The following COTL1 variants were observed in gnomAD, a reference collection of about 807,000 sequenced individuals.
COTL1 encodes coactosin-like protein.
COTL1 carries 15 observed loss-of-function variants against 16.5 expected under a neutral mutation model. The observed-to-expected ratio is 0.91, with a 90% confidence interval of 0.61 to 1.40. The LOEUF is 1.40. Ranked by LOEUF, COTL1 falls within the 40% of genes most tolerant of loss-of-function variation. COTL1 has a pLI of 0.00. For missense variants in COTL1, 220 were observed against 201.5 expected (o/e 1.09, Z -0.56); for synonymous variants, 112 against 85.3 (o/e 1.31, Z -1.73).
At chr16:84,579,626 G>A (rs1904533903) in intron 3 of COTL1, among the ~76,000 whole-genome samples, 1 of 152,224 alleles carries the variant, frequency 6.6e-6, no homozygotes, top group Non-Finnish European at 1.5e-5. Flanking sequence ...GGGGGGTAGT[G>A]GCTGATCACT....
chr16:84,616,829 A>AC (rs1300878999), intron 2 of COTL1, among the ~76,000 whole-genome samples: 36 of 151,848 alleles, frequency 2.4e-4, no homozygotes, highest in East Asian at 5.8e-4. Flanking sequence ...CACCTGCATA[A>AC]CCCCCTCCCA....
chr16:84,586,832 C>T (rs1299355197), intron 3 of COTL1, among the ~76,000 whole-genome samples: 3 of 151,970 alleles, frequency 2.0e-5, no homozygotes, highest in African/African-American at 7.3e-5. Flanking sequence ...CTCAGGTGAC[C>T]GGCTGCCTTG....
At chr16:84,609,727 T>C (rs35273519) in intron 2 of COTL1, among the ~76,000 whole-genome samples, 45,353 of 152,092 alleles carry the variant, frequency 0.3, 7,006 homozygotes, top group East Asian at 0.44. Flanking sequence ...CCATACTGTT[T>C]TGGTGATAGT....
intron 2 of COTL1, among the ~76,000 whole-genome samples, chr16:84,599,246 G>A (rs1905066439): frequency 1.3e-5 from 2 of 152,198 alleles, no homozygotes; most frequent in African/African-American, 4.8e-5. Flanking sequence ...AGTCTCCTCT[G>A]CGTATCGCCA....
intron 3 of COTL1, among the ~76,000 whole-genome samples, chr16:84,569,379 A>T (rs1904312688): frequency 6.6e-6 from 1 of 152,200 alleles, no homozygotes; most frequent in African/African-American, 2.4e-5. Context: ...CACCACAATT[A>T]AAAAATAAAA....
At chr16:84,578,984 T>C (rs779881274) in intron 3 of COTL1, among the ~76,000 whole-genome samples, 1 of 151,424 alleles carries the variant, frequency 6.6e-6, no homozygotes, top group Non-Finnish European at 1.5e-5. Flanking sequence ...CATCCAAGCA[T>C]GCGTACACAC....
rs998825681 is a variant in COTL1 at position 84,581,628 on chromosome 16, G to A, written c.318+8477C>T. ...AAGCGATTCTCCTGCCGCAGCCTCC[G>A]GAGTAGCTGGGATTACAGGCGTGTG... On this transcript the variant is annotated intron_variant, in intron 3 of 3. Transcript: ENST00000262428. Among the ~76,000 whole-genome samples, 7 of 151,594 alleles carry A rather than the reference G, an allele frequency of 4.6e-5. No individual in the cohort carries two copies. The South Asian group carries it at 6.3e-4, about 14-fold the overall frequency.
chr16:84,594,200 C>G (rs1369331716), intron 2 of COTL1, among the ~76,000 whole-genome samples: 1 of 149,354 alleles, frequency 6.7e-6, no homozygotes, highest in Admixed American at 6.7e-5. Flanking sequence ...GGGATCCTTC[C>G]AAAATGGGGT....
intron 2 of COTL1, among the ~76,000 whole-genome samples, chr16:84,606,466 G>T (rs926364570): frequency 6.6e-6 from 1 of 152,272 alleles, no homozygotes; most frequent in Non-Finnish European, 1.5e-5. Context: ...AAGCTGACCT[G>T]GTTGCCCCAC....
chr16:84,601,719 G>C (rs532633666), intron 2 of COTL1, among the ~76,000 whole-genome samples: 12 of 152,346 alleles, frequency 7.9e-5, no homozygotes, highest in African/African-American at 2.9e-4. Context: ...CTCCCAAAGT[G>C]CTGGGACTAC....
Position 84,566,970 on chromosome 16 carries a change from G to A in COTL1, c.319-15C>T. The A allele has an allele frequency of 6.3e-7, 1 of 1,579,666 alleles. No individual in the cohort carries two copies. The highest frequency in any genetic ancestry group is 8.7e-7 in the Non-Finnish European group (1 of 1,148,854). ...TTAGCGAAATTCTGCAAGAACAAAG[G>A]AAAACACAGCGTTCCTATTAAGAAG... On this transcript the variant is annotated splice_polypyrimidine_tract_variant and intron_variant, in intron 3 of 3. Coordinates refer to ENST00000262428, the MANE Select transcript of COTL1 (RefSeq NM_021149.5).
At chr16:84,572,068 C>T (rs907337179) in intron 3 of COTL1, among the ~76,000 whole-genome samples, 2 of 152,244 alleles carry the variant, frequency 1.3e-5, no homozygotes, top group Non-Finnish European at 2.9e-5. Flanking sequence ...CACACCTCTC[C>T]ACCTCCACGC....
At chr16:84,595,964 G>A (rs1904996651) in intron 2 of COTL1, 1 of 152,154 alleles carries the variant, frequency 6.6e-6, no homozygotes, top group African/African-American at 2.4e-5. Context: ...ATATATACAT[G>A]TATGTGTATA....
intron 2 of COTL1, among the ~76,000 whole-genome samples, chr16:84,611,611 G>A (rs998355328): frequency 4.6e-5 from 7 of 152,246 alleles, no homozygotes; most frequent in East Asian, 3.9e-4. Flanking sequence ...GCCTACAGTC[G>A]TGCCCCACAG....
At chr16:84,604,058 C>T (rs892404714) in intron 2 of COTL1, among the ~76,000 whole-genome samples, 4 of 132,990 alleles carry the variant, frequency 3.0e-5, no homozygotes, top group Admixed American at 2.3e-4. Flanking sequence ...TCCCGCTGCC[C>T]CACCACGGCC....
rs1247558988 is a variant in COTL1, at chr16:84,590,647, A to C, written c.161-385T>G. 6.6e-6 allele frequency among the ~76,000 whole-genome samples: 1 copy of C among 152,254 alleles called. No homozygotes were observed. Among genetic ancestry groups the C allele is most frequent in the Non-Finnish European group, 1.5e-5 (1 of 68,040 alleles). The stretch of plus-strand genomic sequence containing the variant: ...CAAAGTCTGGGTGGGCCCATTGCAC[A>C]GATGTGGGTGCCGCCAGCAGTGCCA... On this transcript the variant is annotated intron_variant, in intron 2 of 3. Coordinates refer to ENST00000262428, the MANE Select transcript of COTL1 (RefSeq NM_021149.5). This position sits in a 1 kb window ranked among gnomAD's most constrained non-coding sequence, Gnocchi z 5.5.
chr16:84,611,884 T>C (rs2150697378), intron 2 of COTL1, among the ~76,000 whole-genome samples: 1 of 152,320 alleles, frequency 6.6e-6, no homozygotes, highest in Middle Eastern at 3.4e-3. Flanking sequence ...AAGCCCTTTC[T>C]GCTGTGGCCA....
chr16:84,566,809 T>A lies in COTL1; in HGVS notation c.*36A>T. 1.4e-6 allele frequency: 2 copies of A among 1,443,020 alleles called. No homozygotes were observed. The highest frequency in any genetic ancestry group is 2.0e-6 in the Non-Finnish European group (2 of 1,025,486). The allele number at this position is 1,443,020 out of a possible 1,614,324, so 89.4% of individuals were successfully genotyped here. ...TCCTCTCCCCCGGGGAGCAGGCAGA[T>A]GACTTTGGCAAGGGGTGGTGTGGCG... is the stretch of plus-strand genomic sequence containing the variant. On this transcript the variant is annotated 3_prime_UTR_variant, in exon 4 of 4. Coordinates refer to ENST00000262428, the MANE Select transcript of COTL1 (RefSeq NM_021149.5).
chr16:84,572,839 A>G (rs1036006977), intron 3 of COTL1, among the ~76,000 whole-genome samples: 64 of 151,412 alleles, frequency 4.2e-4, no homozygotes, highest in Non-Finnish European at 3.5e-4. Flanking sequence ...TGCAACCTCC[A>G]CCGCCTGTGC....
Sources: gnomAD v4.1 joint callset for allele counts (sites outside exome capture counted in the v4.1 genomes callset) on GRCh38, gnomAD v4.1.1 for gene constraint, Gnocchi (gnomAD v3.1) non-coding constraint, MANE v1.5 for transcripts, NCBI Gene and HGNC (gene_info 2026-07-23, HGNC 2026-07-21) for gene names.